Variants in DAPK1 observed in about 807,000 individuals in gnomAD.
DAPK1 encodes death associated protein kinase 1, also known as death-associated protein kinase 1.
A neutral mutation model predicts 144.9 loss-of-function variants in DAPK1; 56 were observed. That is an observed-to-expected ratio of 0.39 (90% CI 0.31 to 0.48). The LOEUF is 0.48. DAPK1 is among the 20% of genes least tolerant of loss of function. DAPK1 has a pLI of 0.95. For missense variants in DAPK1, 1,454 were observed against 1,875.4 expected (o/e 0.78, Z 4.15); for synonymous variants, 690 against 749.0 (o/e 0.92, Z 1.29).
rs1201022363 is a variant in DAPK1, at chr9:87,706,484, C to G, written c.3413C>G (p.Thr1138Ser). The G allele has an allele frequency of 6.2e-7, 1 of 1,613,724 alleles. No individual in the cohort carries two copies. Among genetic ancestry groups the G allele is most frequent in the Non-Finnish European group, 8.5e-7 (1 of 1,179,730 alleles). Residue 1138 changes from threonine to serine, a missense_variant, in exon 26 of 26, where the codon ACC becomes AGC. Physicochemically the swap from Thr to Ser is moderately conservative, Grantham distance 58 (BLOSUM62 1). Transcript: ENST00000408954. The surrounding 1 kb of genome is among the most constrained non-coding windows in gnomAD (Gnocchi z 9.0). ...GVRIVPVEHL[T>S]PFPCGIFHKV... ...CGCATCGTGCCCGTGGAACACCTCA[C>G]CCCCTTCCCATGTGGCATCTTTCAC...
Position 87,703,155 on chromosome 9 carries a change from A to G in DAPK1, c.2998A>G (p.Asn1000Asp). The G allele has an allele frequency of 6.2e-7, 1 of 1,612,260 alleles. No individual in the cohort carries two copies. The highest frequency in any genetic ancestry group is 8.5e-7 in the Non-Finnish European group (1 of 1,178,240). The change falls in exon 25 of 26, where the codon AAC (asparagine) becomes GAC (aspartate). Residue 1000 changes from asparagine (N) to aspartate (D), a missense_variant. By Grantham distance (23) the Asn-to-Asp change is conservative. Coordinates refer to ENST00000408954, the MANE Select transcript of DAPK1 (RefSeq NM_004938.4). Reference protein sequence around the residue: ...QFVYDVQDQLNPLASEEDLRR... With the variant: ...QFVYDVQDQLDPLASEEDLRR... Reference sequence around the variant, plus strand: ...TGTGTACGACGTGCAGGACCAGCTGAACCCCCTGGCCAGCGAGGAGGACCT... The same window carrying G: ...TGTGTACGACGTGCAGGACCAGCTGGACCCCCTGGCCAGCGAGGAGGACCT...
chr9:87,567,131 T>C (rs1374970070), intron 2 of DAPK1, among the ~76,000 whole-genome samples: 1 of 152,208 alleles, frequency 6.6e-6, no homozygotes, highest in Non-Finnish European at 1.5e-5. Context: ...TCTCTTTCTG[T>C]TGGCACAGCA....
chr9:87,633,025 T>C, intron 3 of DAPK1: 3 of 976,704 alleles, frequency 3.1e-6, no homozygotes, highest in African/African-American at 3.6e-5. Context: ...GATGAGTATA[T>C]ATGTAGGGAT....
chr9:87,661,742 G>C (rs555028040), intron 18 of DAPK1, among the ~76,000 whole-genome samples: 42 of 152,266 alleles, frequency 2.8e-4, no homozygotes, highest in African/African-American at 9.6e-4. Context: ...CCTGTCGAAT[G>C]TAGAGTTTGC....
intron 22 of DAPK1, among the ~76,000 whole-genome samples, chr9:87,698,049 C>T (rs1272419868): frequency 6.6e-6 from 1 of 152,238 alleles, no homozygotes; most frequent in Non-Finnish European, 1.5e-5. Flanking sequence ...AAATAAACTT[C>T]CTTTGGTCTT....
chr9:87,599,207 A>G (rs1182193829), intron 2 of DAPK1, among the ~76,000 whole-genome samples: 1 of 152,238 alleles, frequency 6.6e-6, no homozygotes, highest in Non-Finnish European at 1.5e-5. Context: ...TTCATTTCTT[A>G]GTTATGCAAC....
intron 21 of DAPK1, among the ~76,000 whole-genome samples, chr9:87,688,405 A>G (rs1824942723): frequency 6.6e-6 from 1 of 152,192 alleles, no homozygotes. Flanking sequence ...TGAACATACT[A>G]GTGCATGTGT....
intron 2 of DAPK1, among the ~76,000 whole-genome samples, chr9:87,505,488 TG>T (rs1355680656): frequency 3.3e-5 from 5 of 149,632 alleles, no homozygotes; most frequent in Non-Finnish European, 7.4e-5. Context: ...CTCCGCCCTC[TG>T]GGTTCAAGTG....
chr9:87,666,916 G>A (rs1024359878), intron 18 of DAPK1, among the ~76,000 whole-genome samples: 1 of 152,158 alleles, frequency 6.6e-6, no homozygotes, highest in Admixed American at 6.5e-5. Flanking sequence ...AGACGTGTCG[G>A]GGGCAGGAAA....
In DAPK1 at chr9:87,706,563, C is replaced by T. The variant is rs776403573; in HGVS notation, c.3492C>T (p.Asp1164=). 1.2e-5 allele frequency: 20 copies of T among 1,613,566 alleles called. No homozygotes were observed. Among genetic ancestry groups the T allele is most frequent in the South Asian group, 5.5e-5 (5 of 91,080 alleles). ...RWIHQQSTEG[D]ADIRLWVNGC... Reference sequence around the variant, plus strand: ...TCCACCAGCAAAGCACAGAGGGCGACGCGGACATCCGCCTGTGGGTGAATG... The same window carrying T: ...TCCACCAGCAAAGCACAGAGGGCGATGCGGACATCCGCCTGTGGGTGAATG... The change falls in exon 26 of 26, where the codon GAC becomes GAT. Residue 1164 remains aspartate (D), a synonymous_variant. Transcript: ENST00000408954. The surrounding 1 kb of genome is among the most constrained non-coding windows in gnomAD (Gnocchi z 9.0).
At chr9:87,570,589 A>G (rs915750490) in intron 2 of DAPK1, among the ~76,000 whole-genome samples, 4 of 152,220 alleles carry the variant, frequency 2.6e-5, no homozygotes, top group Non-Finnish European at 5.9e-5. Flanking sequence ...CCTCTGCAGA[A>G]CTGTAGTCTA....
chr9:87,674,491 G>T (rs1026048915), intron 19 of DAPK1, among the ~76,000 whole-genome samples: 5 of 144,356 alleles, frequency 3.5e-5, no homozygotes, highest in South Asian at 2.3e-4. Flanking sequence ...TTCCAGCCTG[G>T]GTGACAGAGT....
chr9:87,575,843 A>C (rs190536082), intron 2 of DAPK1, among the ~76,000 whole-genome samples: 127 of 152,342 alleles, frequency 8.3e-4, no homozygotes, highest in Middle Eastern at 3.4e-3. Context: ...CCAAACTCAA[A>C]CAAAACAACC....
chr9:87,518,668 T>C (rs1825174317), intron 2 of DAPK1, among the ~76,000 whole-genome samples: 1 of 152,198 alleles, frequency 6.6e-6, no homozygotes, highest in Non-Finnish European at 1.5e-5. Flanking sequence ...ATGGCTTAAC[T>C]TTTCTCTAGC....
At chr9:87,685,327 C>T (rs1056369080) in intron 20 of DAPK1, among the ~76,000 whole-genome samples, 1 of 152,120 alleles carries the variant, frequency 6.6e-6, no homozygotes, top group African/African-American at 2.4e-5. Flanking sequence ...TATCCATGTC[C>T]AAAGTCTTAA....
chr9:87,643,032 AG>A (rs1830149209), intron 10 of DAPK1, among the ~76,000 whole-genome samples: 2 of 152,182 alleles, frequency 1.3e-5, no homozygotes, highest in South Asian at 4.1e-4. Flanking sequence ...GTGATCTGCA[AG>A]GGTCAGATCA....
intron 2 of DAPK1, among the ~76,000 whole-genome samples, chr9:87,580,551 A>G (rs1360897215): frequency 6.6e-6 from 1 of 152,182 alleles, no homozygotes; most frequent in East Asian, 1.9e-4. Flanking sequence ...AATGAATTCT[A>G]TCCTTTATCT....
intron 2 of DAPK1, among the ~76,000 whole-genome samples, chr9:87,565,336 A>G (rs1392491845): frequency 2.6e-5 from 4 of 152,200 alleles, no homozygotes; most frequent in African/African-American, 9.6e-5. Context: ...CTGAAGAATC[A>G]CAACCCCATC....
At chr9:87,497,724 C>A, upstream of DAPK1, 1 of 259,204 alleles carries the variant, frequency 3.9e-6, no homozygotes, top group African/African-American at 2.2e-5. Context: ...GGAGGAGCAG[C>A]GAGCGCCGCG....
Sources: allele counts gnomAD v4.1 joint callset (sites outside exome capture counted in the v4.1 genomes callset), GRCh38; gene constraint gnomAD v4.1.1; non-coding constraint Gnocchi (gnomAD v3.1); transcripts MANE v1.5; gene names NCBI Gene and HGNC (gene_info 2026-07-23, HGNC 2026-07-21).